Variants in CFAP20DC observed in about 807,000 individuals in gnomAD.
CFAP20DC encodes the protein protein CFAP20DC.
A neutral mutation model predicts 101.7 loss-of-function variants in CFAP20DC; 84 were observed. The ratio of observed to expected loss-of-function variants is 0.83; its 90% CI spans 0.69 to 0.99. The LOEUF (loss-of-function observed/expected upper bound fraction) is 0.99. Ranked by LOEUF, CFAP20DC falls within the 50% of genes least tolerant of loss-of-function variation. The pLI, the probability that CFAP20DC is intolerant of heterozygous loss-of-function variation, is 0.00. For missense variants in CFAP20DC, 1,007 were observed against 970.3 expected (o/e 1.04, Z -0.50); for synonymous variants, 359 against 351.2 (o/e 1.02, Z -0.25).
chr3:58,952,059 G>GT (rs1302353805), intron 4 of CFAP20DC, among the ~76,000 whole-genome samples: 1 of 152,162 alleles, frequency 6.6e-6, no homozygotes, highest in Non-Finnish European at 1.5e-5. Context: ...AAACATGATG[G>GT]TTAGGGGGTA....
rs761827113 is a variant in CFAP20DC, at chr3:58,913,881, C to T, written c.394-17G>A. 3 of 1,612,560 alleles carry T rather than the reference C, an allele frequency of 1.9e-6. No homozygotes were observed. The highest frequency in any genetic ancestry group is 2.2e-5 in the East Asian group (1 of 44,844). ...ATTGCACCACTAAAATAGAGAGATG[C>T]AAAGAAGAGTAAGGACCTTTCATCA... On this transcript the variant is annotated splice_polypyrimidine_tract_variant and intron_variant, in intron 5 of 16. Coordinates refer to ENST00000482387, the MANE Select transcript of CFAP20DC (RefSeq NM_001394063.1). The surrounding 1 kb of genome is among the most constrained non-coding windows in gnomAD (Gnocchi z 4.4).
At chr3:58,932,029 A>G (rs2086776257) in intron 5 of CFAP20DC, among the ~76,000 whole-genome samples, 1 of 152,224 alleles carries the variant, frequency 6.6e-6, no homozygotes, top group South Asian at 2.1e-4. Flanking sequence ...CTTGGAAAAA[A>G]ATTTAGACGA....
intron 14 of CFAP20DC, 57 bp downstream of exon 14, chr3:58,831,629 G>T: frequency 6.7e-7 from 1 of 1,500,218 alleles, no homozygotes; most frequent in Non-Finnish European, 9.2e-7. Flanking sequence ...GGATTTGTTA[G>T]AAAAAAGCTT....
Position 59,049,617 on chromosome 3 carries a change from C to T in CFAP20DC, c.15G>A (p.Glu5=). The T allele has an allele frequency of 6.5e-7, 1 of 1,536,138 alleles. No homozygotes were observed. The highest frequency in any genetic ancestry group is 8.7e-7 in the Non-Finnish European group (1 of 1,146,896). The change falls in exon 1 of 17, where the codon GAG becomes GAA. Residue 5 remains glutamate, a synonymous_variant. Coordinates refer to ENST00000482387, the MANE Select transcript of CFAP20DC (RefSeq NM_001394063.1). ...GAGAACCGTTTCGGGTTACCTGGTA[C>T]TCATTTTTGAACATTCCCGCAGGGG... MFKN[E]YQGGAFVEIF... is the part of the protein sequence containing the mutation.
Position 58,868,046 on chromosome 3 carries a change from G to C in CFAP20DC, c.1016-110C>G. 1 of 1,230,164 alleles carries C rather than the reference G, an allele frequency of 8.1e-7. No individual in the cohort carries two copies. The highest frequency in any genetic ancestry group is 1.1e-6 in the Non-Finnish European group (1 of 916,682). The allele number at this position is 1,230,164 out of a possible 1,614,324, so 76.2% of individuals were successfully genotyped here. A position where few individuals can be genotyped will look rare whatever the true frequency, so the allele number is the denominator to read the frequency against. On this transcript the variant is annotated intron_variant, in intron 9 of 16. Coordinates refer to ENST00000482387, the MANE Select transcript of CFAP20DC (RefSeq NM_001394063.1). This position sits in a 1 kb window ranked among gnomAD's most constrained non-coding sequence, Gnocchi z 4.6. Reference sequence around the variant, plus strand: ...AATGAGAATATTCATGTATAATTTTGACATAATGTGAAGATACATCAAAAA... The same window carrying C: ...AATGAGAATATTCATGTATAATTTTCACATAATGTGAAGATACATCAAAAA...
chr3:58,802,170 T>TG (rs2073758343), intron 15 of CFAP20DC, among the ~76,000 whole-genome samples: 1 of 152,196 alleles, frequency 6.6e-6, no homozygotes, highest in South Asian at 2.1e-4. Flanking sequence ...AGGAATATCT[T>TG]ACGTTTTTCT....
At chr3:59,038,970 C>G (rs1245505905) in intron 4 of CFAP20DC, among the ~76,000 whole-genome samples, 1 of 151,982 alleles carries the variant, frequency 6.6e-6, no homozygotes, top group Non-Finnish European at 1.5e-5. Flanking sequence ...AAATCTTCAA[C>G]AATACTCAAT....
chr3:58,886,439 G>T (rs1188996725), intron 6 of CFAP20DC, among the ~76,000 whole-genome samples: 1 of 152,036 alleles, frequency 6.6e-6, no homozygotes, highest in Non-Finnish European at 1.5e-5. Context: ...TAAAATGTAT[G>T]AATGGGTTGG....
At chr3:58,816,758 C>T (rs902416884) in intron 14 of CFAP20DC, among the ~76,000 whole-genome samples, 7 of 152,136 alleles carry the variant, frequency 4.6e-5, no homozygotes, top group African/African-American at 1.4e-4. Context: ...AACAAAGCAG[C>T]CAGGAAGCTC....
At chr3:58,835,943 A>C (rs2076707214) in intron 13 of CFAP20DC, among the ~76,000 whole-genome samples, 1 of 152,200 alleles carries the variant, frequency 6.6e-6, no homozygotes, top group African/African-American at 2.4e-5. Flanking sequence ...TGTTATGTAT[A>C]ATTCAATTTC....
intron 16 of CFAP20DC, among the ~76,000 whole-genome samples, chr3:58,748,999 G>A (rs1365491387): frequency 3.3e-5 from 5 of 152,148 alleles, no homozygotes; most frequent in Admixed American, 3.3e-4. Flanking sequence ...TCCAAACAGT[G>A]CCGGGTACAC....
intron 5 of CFAP20DC, among the ~76,000 whole-genome samples, chr3:58,933,363 C>T (rs1195085057): frequency 1.1e-4 from 16 of 151,140 alleles, no homozygotes; most frequent in African/African-American, 1.5e-4. Flanking sequence ...GACAGATCAA[C>T]GAGACAGAAA....
At chr3:58,900,703 C>G (rs2083073337) in intron 6 of CFAP20DC, among the ~76,000 whole-genome samples, 1 of 152,230 alleles carries the variant, frequency 6.6e-6, no homozygotes, top group South Asian at 2.1e-4. Context: ...GCTGACAGCT[C>G]ATGCAGCGTC....
chr3:58,860,251 T>C (rs1267033381), intron 12 of CFAP20DC, among the ~76,000 whole-genome samples: 1 of 150,742 alleles, frequency 6.6e-6, no homozygotes, highest in African/African-American at 2.4e-5. Flanking sequence ...GTGTTTATAG[T>C]ATAATCCAGA....
chr3:58,921,450 T>C (rs2085357193), intron 5 of CFAP20DC, among the ~76,000 whole-genome samples: 1 of 152,172 alleles, frequency 6.6e-6, no homozygotes, highest in South Asian at 2.1e-4. Flanking sequence ...TCAATATCAT[T>C]TAAAATCAGC....
chr3:58,852,324 C>T (rs1170334333), intron 12 of CFAP20DC, among the ~76,000 whole-genome samples: 2 of 152,056 alleles, frequency 1.3e-5, no homozygotes, highest in Non-Finnish European at 2.9e-5. Flanking sequence ...TACAGGAGCA[C>T]CCAGATTCAT....
chr3:58,774,843 G>A (rs368567387), intron 15 of CFAP20DC, among the ~76,000 whole-genome samples: 2 of 152,196 alleles, frequency 1.3e-5, no homozygotes, highest in East Asian at 1.9e-4. Flanking sequence ...TAGCTATAAA[G>A]TGATGGCTAT....
rs1479900964 is a variant in CFAP20DC, at chr3:58,729,525, T to C, written c.198-11897A>G. 6.6e-6 allele frequency among the ~76,000 whole-genome samples: 1 copy of C among 152,230 alleles called. No individual in the cohort carries two copies. Among genetic ancestry groups the C allele is most frequent in the Non-Finnish European group, 1.5e-5 (1 of 68,038 alleles). ...TGTTTTAAGACACTAGATAAGTTTG[T>C]TAATTTTAGTAATTTATCTGTAGAT... On this transcript the variant is annotated intron_variant, in intron 3 of 3. Transcript: ENST00000486145. This position sits in a 1 kb window ranked among gnomAD's most constrained non-coding sequence, Gnocchi z 4.4.
chr3:58,972,949 C>A (rs749633109), intron 4 of CFAP20DC, among the ~76,000 whole-genome samples: 2 of 152,004 alleles, frequency 1.3e-5, no homozygotes, highest in Non-Finnish European at 2.9e-5. Context: ...CTGAAGCATC[C>A]CTTATTTTCA....
Sources: gnomAD v4.1 joint callset for allele counts (sites outside exome capture counted in the v4.1 genomes callset) on GRCh38, gnomAD v4.1.1 for gene constraint, Gnocchi (gnomAD v3.1) non-coding constraint, MANE v1.5 for transcripts, NCBI Gene and HGNC (gene_info 2026-07-23, HGNC 2026-07-21) for gene names.